STXBP5L: variants seen among roughly 807,000 people sequenced by gnomAD.
The protein encoded by STXBP5L is syntaxin-binding protein 5-like.
Under a neutral mutation model 144.5 loss-of-function variants are expected in STXBP5L, and 65 were observed. That is an observed-to-expected ratio of 0.45 (90% confidence interval 0.37 to 0.55). The LOEUF (loss-of-function observed/expected upper bound fraction) is 0.55. Among genes scored for constraint, STXBP5L ranks in the 20% least tolerant of loss-of-function variants. The pLI, the probability that STXBP5L is intolerant of heterozygous loss-of-function variation, is 0.00. For synonymous variants in STXBP5L, 505 were observed against 469.6 expected, an observed-to-expected ratio of 1.08 and a Z score of -0.97; for missense variants, 1,298 against 1,405.5, an observed-to-expected ratio of 0.92 and a Z score of 1.22.
At chr3:121,054,856 T>C (rs1370307179) in intron 5 of STXBP5L, among the ~76,000 whole-genome samples, 1 of 152,096 alleles carries the variant, frequency 6.6e-6, no homozygotes, top group Non-Finnish European at 1.5e-5. Flanking sequence ...AAGATTTTTC[T>C]TCTAATACTT....
intron 10 of STXBP5L, 147 bp from the exon 11 acceptor site, chr3:121,222,856 G>A: frequency 2.8e-6 from 2 of 712,932 alleles, no homozygotes; most frequent in Non-Finnish European, 4.3e-6. Context: ...GTAGGTTATT[G>A]AATGAGAAAT....
chr3:121,070,359 A>T (rs1490890980), intron 5 of STXBP5L, among the ~76,000 whole-genome samples: 1 of 152,200 alleles, frequency 6.6e-6, no homozygotes, highest in African/African-American at 2.4e-5. Context: ...AACTTTGAGG[A>T]ATGTGGAGTT....
chr3:121,126,444 A>C (rs541880724), intron 7 of STXBP5L, among the ~76,000 whole-genome samples: 1 of 152,284 alleles, frequency 6.6e-6, no homozygotes, highest in Non-Finnish European at 1.5e-5. Flanking sequence ...CCTGTCTAAA[A>C]TAAGCAAACC....
intron 5 of STXBP5L, among the ~76,000 whole-genome samples, chr3:121,057,686 T>A (rs142315189): frequency 6.6e-6 from 1 of 152,136 alleles, no homozygotes; most frequent in African/African-American, 2.4e-5. Flanking sequence ...TACTATTCTA[T>A]TTAATGGATA....
In STXBP5L at chr3:121,169,094, T is replaced by C. The variant is rs531239152; in HGVS notation, c.877+11467T>C. 7.8e-4 allele frequency among the ~76,000 whole-genome samples: 119 copies of C among 152,258 alleles called. 1 individual carries two copies. The highest frequency in any genetic ancestry group is 2.7e-3 in the African/African-American group (113 of 41,548). ...ATTTCATATCCAGCCAAACTAAGCT[T>C]CATAAGCAAAGGAGAAATAAAATCA... is the stretch of plus-strand genomic sequence containing the variant. On this transcript the variant is annotated intron_variant, in intron 9 of 26. Transcript: ENST00000471454.
At chr3:121,367,939 A>G (rs1446731738) in intron 20 of STXBP5L, among the ~76,000 whole-genome samples, 2 of 151,654 alleles carry the variant, frequency 1.3e-5, no homozygotes, top group African/African-American at 2.4e-5. Context: ...GCTTTGTAAC[A>G]ATGTCTCAAT....
intron 9 of STXBP5L, among the ~76,000 whole-genome samples, chr3:121,190,769 C>A (rs1432928633): frequency 1.3e-5 from 2 of 149,906 alleles, no homozygotes; most frequent in African/African-American, 4.9e-5. Context: ...CGGAGGGGCT[C>A]CTCAATTCCC....
At chr3:121,405,989 A>C (rs1047950123) in intron 22 of STXBP5L, among the ~76,000 whole-genome samples, 1 of 152,126 alleles carries the variant, frequency 6.6e-6, no homozygotes, top group African/African-American at 2.4e-5. Flanking sequence ...AGATATACTT[A>C]GAAAAGTCTT....
At chr3:121,228,668 G>C (rs951367638) in intron 11 of STXBP5L, among the ~76,000 whole-genome samples, 2 of 152,132 alleles carry the variant, frequency 1.3e-5, no homozygotes, top group African/African-American at 4.8e-5. Flanking sequence ...CTGAGGTCAG[G>C]AGTTCAAGAC....
At chr3:120,951,305 G>A (rs1445955025) in intron 2 of STXBP5L, among the ~76,000 whole-genome samples, 2 of 152,120 alleles carry the variant, frequency 1.3e-5, no homozygotes, top group African/African-American at 2.4e-5. Flanking sequence ...TGACAAATGC[G>A]ATCTAATTAA....
intron 3 of STXBP5L, among the ~76,000 whole-genome samples, chr3:121,004,380 T>A (rs1237904471): frequency 6.6e-6 from 1 of 152,102 alleles, no homozygotes. Context: ...AGAATGCCTG[T>A]GATTTTTGCC....
intron 3 of STXBP5L, among the ~76,000 whole-genome samples, chr3:121,007,726 A>C (rs1368059933): frequency 1.3e-5 from 2 of 151,952 alleles, no homozygotes; most frequent in Admixed American, 1.3e-4. Context: ...AAAGCCTTTA[A>C]CTGCTTGTAG....
intron 7 of STXBP5L, among the ~76,000 whole-genome samples, chr3:121,143,002 A>G (rs1397365853): frequency 6.6e-6 from 1 of 151,930 alleles, no homozygotes; most frequent in East Asian, 1.9e-4. Flanking sequence ...TAAAATTCAA[A>G]TAAATAAAAT....
chr3:121,351,513 C>G (rs1018287224), intron 20 of STXBP5L, among the ~76,000 whole-genome samples: 3 of 152,122 alleles, frequency 2.0e-5, no homozygotes, highest in Non-Finnish European at 4.4e-5. Context: ...TGTTCATATC[C>G]TTTGCCCACT....
At chr3:121,355,638 C>T (rs546007724) in intron 20 of STXBP5L, among the ~76,000 whole-genome samples, 2 of 152,198 alleles carry the variant, frequency 1.3e-5, no homozygotes, top group South Asian at 2.1e-4. Context: ...TAACCTGCTC[C>T]TTTAGCTCGG....
At position 121,335,152 on chromosome 3, in the gene STXBP5L, A is replaced by G. The variant is rs572054787; in HGVS notation, c.2176+16612A>G. ...ATGTACAAAAATTACTAGCATTTCT[A>G]TACACCAACAATAGCCAAACCAACA... On this transcript the variant is annotated intron_variant, in intron 20 of 26. Coordinates refer to ENST00000471454, the MANE Select transcript of STXBP5L (RefSeq NM_001308330.2). Among the ~76,000 whole-genome samples the G allele has an allele frequency of 3.3e-4, 51 of 152,328 alleles. No homozygotes were observed. The South Asian group carries it at 0.011, about 32-fold the overall frequency.
intron 10 of STXBP5L, among the ~76,000 whole-genome samples, chr3:121,219,024 G>C (rs574420782): frequency 2.4e-4 from 37 of 152,108 alleles, no homozygotes; most frequent in Non-Finnish European, 4.6e-4. Flanking sequence ...TTAATTTTTT[G>C]CTAGTCAATA....
At chr3:121,086,534 C>T (rs762480319) in intron 5 of STXBP5L, among the ~76,000 whole-genome samples, 17 of 152,016 alleles carry the variant, frequency 1.1e-4, no homozygotes, top group African/African-American at 3.6e-4. Flanking sequence ...CAGTAACATA[C>T]GGTACAGGTT....
At chr3:121,108,427 T>A (rs1235623642) in intron 5 of STXBP5L, among the ~76,000 whole-genome samples, 1 of 152,200 alleles carries the variant, frequency 6.6e-6, no homozygotes, top group Non-Finnish European at 1.5e-5. Context: ...CATGAAGAGA[T>A]GTTGAATTTT....
Sources: allele counts gnomAD v4.1 joint callset (sites outside exome capture counted in the v4.1 genomes callset), GRCh38; gene constraint gnomAD v4.1.1; transcripts MANE v1.5; gene names NCBI Gene and HGNC (gene_info 2026-07-23, HGNC 2026-07-21).